The following TBC1D22A variants were observed in gnomAD, a reference collection of about 807,000 sequenced individuals.
TBC1D22A encodes putative GTPase activator.
Under a neutral mutation model 60.2 loss-of-function variants are expected in TBC1D22A, and 38 were observed. The observed-to-expected ratio is 0.63, with a 90% confidence interval of 0.49 to 0.83. The LOEUF (loss-of-function observed/expected upper bound fraction) is 0.83. TBC1D22A is among the 40% of genes least tolerant of loss of function. TBC1D22A has a pLI of 0.00. For synonymous variants in TBC1D22A, 302 were observed against 281.7 expected (o/e 1.07, Z -0.72); for missense variants, 628 against 701.0 (o/e 0.90, Z 1.18).
In TBC1D22A at chr22:46,990,103, C is replaced by T. The variant is rs942965332; in HGVS notation, c.1126-7531C>T. Among the ~76,000 whole-genome samples, 10 of 152,192 alleles carry T rather than the reference C, an allele frequency of 6.6e-5. No individual in the cohort carries two copies. The highest frequency in any genetic ancestry group is 2.1e-4 in the South Asian group (1 of 4,828). On this transcript the variant is annotated intron_variant, in intron 9 of 12. Transcript: ENST00000337137. The surrounding 1 kb of genome is among the most constrained non-coding windows in gnomAD (Gnocchi z 4.6). ...ACAGATGTGCGCCACCGCGCCCGGC[C>T]GCAAAATGTAAGTTTTATTTAAAAT...
chr22:46,962,199 G>A (rs2073545646), intron 8 of TBC1D22A, among the ~76,000 whole-genome samples: 1 of 152,208 alleles, frequency 6.6e-6, no homozygotes, highest in East Asian at 1.9e-4. Flanking sequence ...GCTCTGCGTG[G>A]CTTTAACTGA....
At chr22:47,150,975 G>T (rs1035389408) in intron 12 of TBC1D22A, among the ~76,000 whole-genome samples, 2 of 152,204 alleles carry the variant, frequency 1.3e-5, no homozygotes, top group East Asian at 3.9e-4. Flanking sequence ...TCTGCCTCAG[G>T]CACCTGGCGT....
chr22:46,971,088 G>GAAGACAAATC (rs2074033804), intron 8 of TBC1D22A, among the ~76,000 whole-genome samples: 1 of 152,204 alleles, frequency 6.6e-6, no homozygotes, highest in South Asian at 2.1e-4. Context: ...CTGGCGTTTA[G>GAAGACAAATC]AAGACAAATC....
chr22:47,025,372 G>A (rs938467566), intron 10 of TBC1D22A, among the ~76,000 whole-genome samples: 8 of 152,188 alleles, frequency 5.3e-5, no homozygotes, highest in African/African-American at 1.9e-4. Flanking sequence ...TAAATCTTAA[G>A]GGATTCAAGA....
intron 12 of TBC1D22A, among the ~76,000 whole-genome samples, chr22:47,173,122 G>A (rs60531650): frequency 0.059 from 8,917 of 152,302 alleles, 464 homozygotes; most frequent in African/African-American, 0.14. Flanking sequence ...GAGGGGCAGG[G>A]GATTCAGTTA....
At position 46,779,690 on chromosome 22, in the gene TBC1D22A, C is replaced by T. The variant is rs148861207; in HGVS notation, c.63-12830C>T. 2.3e-3 allele frequency among the ~76,000 whole-genome samples: 355 copies of T among 152,250 alleles called. 3 individuals are homozygous for T. Among genetic ancestry groups the T allele is most frequent in the Admixed American group, 0.013 (194 of 15,304 alleles). On this transcript the variant is annotated intron_variant, in intron 1 of 12. Coordinates refer to ENST00000337137, the MANE Select transcript of TBC1D22A (RefSeq NM_014346.5). ...TCCAAGACCTATTTCCAGAGATGTC[C>T]GTTTGACCCAGTAATTGCCTCAGCC...
chr22:46,829,962 A>G (rs1040533114), intron 4 of TBC1D22A, among the ~76,000 whole-genome samples: 1 of 152,238 alleles, frequency 6.6e-6, no homozygotes, highest in African/African-American at 2.4e-5. Context: ...TGAAAGGAGC[A>G]GGGGTACACA....
At chr22:47,041,323 T>C (rs765906048) in intron 11 of TBC1D22A, among the ~76,000 whole-genome samples, 25 of 152,316 alleles carry the variant, frequency 1.6e-4, no homozygotes, top group Middle Eastern at 3.4e-3. Flanking sequence ...GGTGCTTGTC[T>C]CCCTGGGCTT....
chr22:46,917,890 G>A (rs1020740015), intron 8 of TBC1D22A, among the ~76,000 whole-genome samples: 2 of 152,170 alleles, frequency 1.3e-5, no homozygotes, highest in African/African-American at 4.8e-5. Flanking sequence ...CCGGAGTCTG[G>A]GCGTTGAGAG....
At chr22:46,874,713 A>G (rs561489813) in intron 4 of TBC1D22A, among the ~76,000 whole-genome samples, 2 of 151,826 alleles carry the variant, frequency 1.3e-5, no homozygotes, top group Admixed American at 1.3e-4. Flanking sequence ...AGCTGGGATT[A>G]CAGGTGCATG....
chr22:47,069,083 A>G (rs1223717524), intron 11 of TBC1D22A, among the ~76,000 whole-genome samples: 1 of 152,178 alleles, frequency 6.6e-6, no homozygotes, highest in African/African-American at 2.4e-5. Context: ...TGGCTCATAA[A>G]TTTTCTTAAT....
At chr22:47,023,381 T>C (rs143652544) in intron 10 of TBC1D22A, among the ~76,000 whole-genome samples, 56 of 152,320 alleles carry the variant, frequency 3.7e-4, no homozygotes, top group African/African-American at 1.3e-3. Flanking sequence ...AGTAGCTTTA[T>C]ATACCTGTAA....
chr22:46,887,849 TG>T (rs2068198627), intron 5 of TBC1D22A, among the ~76,000 whole-genome samples: 1 of 152,188 alleles, frequency 6.6e-6, no homozygotes. Context: ...GTTTCAGTGG[TG>T]TGATCCTAAT....
chr22:47,132,718 T>C (rs528573291), intron 12 of TBC1D22A, among the ~76,000 whole-genome samples: 32 of 152,354 alleles, frequency 2.1e-4, no homozygotes, highest in African/African-American at 7.5e-4. Flanking sequence ...CGGGGGAGGC[T>C]GTGATGGCCC....
intron 4 of TBC1D22A, among the ~76,000 whole-genome samples, chr22:46,829,911 C>A (rs916570209): frequency 1.3e-5 from 2 of 152,104 alleles, no homozygotes; most frequent in African/African-American, 4.8e-5. Context: ...GAAAAAAATC[C>A]CAAGACACCA....
intron 7 of TBC1D22A, among the ~76,000 whole-genome samples, chr22:46,910,250 C>T (rs1330960981): frequency 6.6e-6 from 1 of 152,026 alleles, no homozygotes; most frequent in Non-Finnish European, 1.5e-5. Flanking sequence ...CGTGGGGTGG[C>T]GGGGGGCCTG....
chr22:46,897,906 T>TA (rs10714103), intron 7 of TBC1D22A, among the ~76,000 whole-genome samples: 85 of 151,148 alleles, frequency 5.6e-4, no homozygotes, highest in African/African-American at 1.9e-3. Context: ...GTAAATCTGT[T>TA]AAAAAAAAAC....
chr22:46,932,014 T>C (rs745588798), intron 8 of TBC1D22A, among the ~76,000 whole-genome samples: 29 of 152,236 alleles, frequency 1.9e-4, no homozygotes, highest in Non-Finnish European at 3.5e-4. Flanking sequence ...ACAGATTGAT[T>C]CATTGTCGAG....
chr22:46,774,024 C>G lies in TBC1D22A; in HGVS notation c.62+11176C>G, dbSNP rs1243601580. 6.1e-6 allele frequency: 6 copies of G among 985,456 alleles called. No homozygotes were observed. In the African/African-American group the frequency reaches 8.7e-5, roughly 14 times the overall value. The allele number at this position is 985,456 out of a possible 1,614,324, so 61.0% of individuals were successfully genotyped here. A position where few individuals can be genotyped will look rare whatever the true frequency, so the allele number is the denominator to read the frequency against. ...GAAATTATTACAGAGAAAGCTGACT[C>G]ACTCACCAGGAATCTGATCCTGCTG... On this transcript the variant is annotated intron_variant, in intron 1 of 12. Transcript: ENST00000337137.
Sources: gnomAD v4.1 joint callset for allele counts (sites outside exome capture counted in the v4.1 genomes callset) on GRCh38, gnomAD v4.1.1 for gene constraint, Gnocchi (gnomAD v3.1) non-coding constraint, MANE v1.5 for transcripts, NCBI Gene and HGNC (gene_info 2026-07-23, HGNC 2026-07-21) for gene names.